The following NOS1 variants were observed in gnomAD, a reference collection of about 807,000 sequenced individuals.
NOS1 encodes NOS type I.
A neutral mutation model predicts 164.5 loss-of-function variants in NOS1; 51 were observed. That is an observed-to-expected ratio of 0.31 (90% CI 0.25 to 0.39). NOS1 has a LOEUF of 0.39. Among genes scored for constraint, NOS1 ranks in the 10% least tolerant of loss-of-function variants. NOS1 has a pLI of 1.00. For missense variants in NOS1, 1,362 were observed against 1,885.6 expected, an observed-to-expected ratio of 0.72 and a Z score of 5.14; for synonymous variants, 719 against 745.8, an observed-to-expected ratio of 0.96 and a Z score of 0.59.
At chr12:117,290,875 C>G (rs1050016698) in intron 3 of NOS1, among the ~76,000 whole-genome samples, 4 of 152,098 alleles carry the variant, frequency 2.6e-5, no homozygotes, top group Admixed American at 6.5e-5. Context: ...ACAGTCCAAA[C>G]TCACCATTTC....
rs199772308 is a variant in NOS1, at chr12:117,278,027, G to A, written c.1596C>T (p.Asn532=). The change falls in exon 9 of 29, where the codon AAC becomes AAT. Residue 532 remains asparagine (N), a synonymous_variant. Coordinates refer to ENST00000317775, the MANE Select transcript of NOS1 (RefSeq NM_000620.5). ...FDVLPLLLQA[N]GNDPELFQIP... is the part of the protein sequence containing the mutation. ...TCTGGAAGAGCTCAGGGTCATTGCC[G>A]TTGGCCTGAAGCAGGAGCGGCAGGA... 77 of 1,614,048 alleles carry A rather than the reference G, an allele frequency of 4.8e-5. No individual in the cohort carries two copies. In the African/African-American group the frequency reaches 8.8e-4, roughly 18 times the overall value.
intron 3 of NOS1, among the ~76,000 whole-genome samples, chr12:117,298,876 C>T (rs990756979): frequency 6.6e-6 from 1 of 152,240 alleles, no homozygotes; most frequent in Non-Finnish European, 1.5e-5. Flanking sequence ...CCCTAGTAAA[C>T]TACTCTAAGA....
chr12:117,265,315 C>A lies in NOS1; in HGVS notation c.2136+1G>T. The A allele has an allele frequency of 6.5e-7, 1 of 1,540,970 alleles. No individual in the cohort carries two copies. Among genetic ancestry groups the A allele is most frequent in the Non-Finnish European group, 8.8e-7 (1 of 1,137,954 alleles). On this transcript the variant is annotated splice_donor_variant, in intron 12 of 28. Coordinates refer to ENST00000317775, the MANE Select transcript of NOS1 (RefSeq NM_000620.5). LOFTEE classifies it high-confidence loss of function. ...GAAAAGAGGCAGGGACAGGGAAGGA[C>A]CTGGTATTCGAAGGAGGGGGTGAGC...
At chr12:117,278,905 A>G (rs1186686474) in intron 8 of NOS1, among the ~76,000 whole-genome samples, 1 of 149,784 alleles carries the variant, frequency 6.7e-6, no homozygotes, top group Non-Finnish European at 1.5e-5. Context: ...CATCTAATAT[A>G]TCAAATAATA....
chr12:117,341,122 C>A (rs576446352), intron 1 of NOS1, among the ~76,000 whole-genome samples: 2 of 152,080 alleles, frequency 1.3e-5, no homozygotes, highest in African/African-American at 4.8e-5. Context: ...ATTATCATCA[C>A]GTAAGCAGTC....
At chr12:117,230,551 C>T (rs762528089) in intron 22 of NOS1, among the ~76,000 whole-genome samples, 53 of 152,138 alleles carry the variant, frequency 3.5e-4, no homozygotes, top group African/African-American at 1.0e-3. Flanking sequence ...CTCTCCTGGA[C>T]GGCAGAAGAA....
At chr12:117,281,136 C>T (rs1873617310) in intron 7 of NOS1, among the ~76,000 whole-genome samples, 1 of 152,192 alleles carries the variant, frequency 6.6e-6, no homozygotes, top group Non-Finnish European at 1.5e-5. Flanking sequence ...TAGCTGGAGA[C>T]TTTTAAATAA....
rs35267348 is a variant in NOS1 at position 117,216,184 on chromosome 12, A to ATTT, written c.4290-863_4290-861dup. On this transcript the variant is annotated intron_variant, in intron 28 of 28. Coordinates refer to ENST00000317775, the MANE Select transcript of NOS1 (RefSeq NM_000620.5). ...TGAGCCACTGGGCCCGTCAAAAGGGATTTTTTTTTTTTTTTTGAGACGGAG... is the reference window on the plus strand; with the variant it reads ...TGAGCCACTGGGCCCGTCAAAAGGGATTTTTTTTTTTTTTTTTTTGAGACGGAG... 2.1e-3 allele frequency among the ~76,000 whole-genome samples: 269 copies of ATTT among 125,716 alleles called. 4 individuals carry two copies. Among genetic ancestry groups the ATTT allele is most frequent in the African/African-American group, 8.0e-3 (261 of 32,806 alleles). The allele number at this position is 125,716 out of a possible 152,430, so 82.5% of individuals were successfully genotyped here. A position where few individuals can be genotyped will look rare whatever the true frequency, so the allele number is the denominator to read the frequency against.
In NOS1 at chr12:117,226,730, C is replaced by G. The variant is rs759262514; in HGVS notation, c.3657G>C (p.Trp1219Cys). ...GPIHHGVCSS[W>C]LNRIQADELV... is the part of the protein sequence containing the mutation. ...GTTCGTCAGCCTGTATCCGGTTGAG[C>G]CAGGAGGAGCATACGCCGTGGTGAA... The change falls in exon 24 of 29, where the codon TGG becomes TGC. Residue 1219 changes from tryptophan to cysteine, a missense_variant. Trp to Cys is a radical substitution (Grantham distance 215). This residue lies in a region of NOS1 where 737 missense variants were observed against 1,030.3 expected (regional missense o/e 0.72). Transcript: ENST00000317775. 5.6e-6 allele frequency: 9 copies of G among 1,613,906 alleles called. No individual in the cohort carries two copies. Among genetic ancestry groups the G allele is most frequent in the Admixed American group, 3.3e-5 (2 of 59,986 alleles).
chr12:117,348,688 T>A (rs773428697), intron 1 of NOS1, among the ~76,000 whole-genome samples: 12 of 152,198 alleles, frequency 7.9e-5, no homozygotes, highest in African/African-American at 2.2e-4. Context: ...GTAAATTTTT[T>A]AAAAAATGGC....
At chr12:117,359,347 T>A (rs1382740776) in intron 1 of NOS1, among the ~76,000 whole-genome samples, 1 of 151,694 alleles carries the variant, frequency 6.6e-6, no homozygotes, top group African/African-American at 2.4e-5. Context: ...CCTTTTCCTA[T>A]TTTATCTTCA....
intron 1 of NOS1, among the ~76,000 whole-genome samples, chr12:117,344,230 T>C (rs527672520): frequency 8.5e-5 from 13 of 152,354 alleles, no homozygotes; most frequent in African/African-American, 3.1e-4. Context: ...TGCTTTCATC[T>C]GCACAATATA....
At chr12:117,222,384 TAGCTGGG>T (rs1425442640) in intron 26 of NOS1, among the ~76,000 whole-genome samples, 1 of 152,136 alleles carries the variant, frequency 6.6e-6, no homozygotes. Flanking sequence ...GCCTGCCAAG[TAGCTGGG>T]ACTACAGGTG....
rs1383430648 is a variant in NOS1, at chr12:117,222,739, G to A, written c.3951C>T (p.Tyr1317=). ...KGVFRELYTA[Y]SREPDKPKKY... Reference sequence around the variant, plus strand: ...CCTTTGGTTTGTCTGGCTCCCGGGAGTAAGCCGTGTACAGCTCTCTGAAGA... The same window carrying A: ...CCTTTGGTTTGTCTGGCTCCCGGGAATAAGCCGTGTACAGCTCTCTGAAGA... The change falls in exon 26 of 29, where the codon TAC becomes TAT. Residue 1317 remains tyrosine, a synonymous_variant. Coordinates refer to ENST00000317775, the MANE Select transcript of NOS1 (RefSeq NM_000620.5). 2 of 1,613,862 alleles carry A rather than the reference G, an allele frequency of 1.2e-6. No homozygotes were observed. Among genetic ancestry groups the A allele is most frequent in the Non-Finnish European group, 1.7e-6 (2 of 1,179,948 alleles).
intron 2 of NOS1, among the ~76,000 whole-genome samples, chr12:117,323,125 G>C (rs1205255212): frequency 6.6e-6 from 1 of 152,194 alleles, no homozygotes; most frequent in Non-Finnish European, 1.5e-5. Context: ...CATGGGATAA[G>C]CCTGCCCGCC....
Position 117,234,774 on chromosome 12 carries a change from G to A in NOS1, c.3042-16C>T. The A allele has an allele frequency of 1.2e-6, 2 of 1,601,446 alleles. No homozygotes were observed. Among genetic ancestry groups the A allele is most frequent in the South Asian group, 1.1e-5 (1 of 90,208 alleles). ...AGTTGACCGACTGCAGGAAATTGCA[G>A]AGGAATCATAGGACAAGGGCCAGCA... is the stretch of plus-strand genomic sequence containing the variant. On this transcript the variant is annotated splice_polypyrimidine_tract_variant and intron_variant, in intron 20 of 28. Transcript: ENST00000317775. The surrounding 1 kb of genome is among the most constrained non-coding windows in gnomAD (Gnocchi z 4.3).
At position 117,302,799 on chromosome 12, in the gene NOS1, G is replaced by A. The variant is rs1277357970; in HGVS notation, c.852+8667C>T. On this transcript the variant is annotated intron_variant, in intron 3 of 28. Transcript: ENST00000317775. ...CTCACTCCAATGCCCAGGCTGGAGT[G>A]CAGTGGCACGATCTCAGCTCAATGC... 2.0e-5 allele frequency among the ~76,000 whole-genome samples: 3 copies of A among 151,956 alleles called. No individual in the cohort carries two copies. In the East Asian group the frequency reaches 5.9e-4, roughly 30 times the overall value.
At chr12:117,237,000 C>G (rs1246316779) in intron 20 of NOS1, among the ~76,000 whole-genome samples, 3 of 152,142 alleles carry the variant, frequency 2.0e-5, no homozygotes, top group Non-Finnish European at 2.9e-5. Flanking sequence ...AGAACCCTGG[C>G]AGAATGGCTG....
chr12:117,293,654 ATAT>A (rs1382356938), intron 3 of NOS1, among the ~76,000 whole-genome samples: 1 of 151,406 alleles, frequency 6.6e-6, no homozygotes, highest in South Asian at 2.1e-4. Flanking sequence ...TATTACTTGT[ATAT>A]TATTACTTGT....
Sources: gnomAD v4.1 joint callset for allele counts (sites outside exome capture counted in the v4.1 genomes callset) on GRCh38, gnomAD v4.1.1 for gene constraint, gnomAD v4.1.1 regional missense constraint, Gnocchi (gnomAD v3.1) non-coding constraint, MANE v1.5 for transcripts, NCBI Gene and HGNC (gene_info 2026-07-23, HGNC 2026-07-21) for gene names.